VTI1A: variants seen among roughly 807,000 people sequenced by gnomAD.
VTI1A encodes vesicle transport through interaction with t-SNAREs homolog 1A.
Under a neutral mutation model 34.9 loss-of-function variants are expected in VTI1A, and 22 were observed. The observed-to-expected ratio is 0.63, with a 90% CI of 0.45 to 0.90. The LOEUF (loss-of-function observed/expected upper bound fraction) is 0.90, where lower values mean the gene tolerates loss of function less well. Ranked by LOEUF, VTI1A falls within the 40% of genes least tolerant of loss-of-function variation. The pLI is 0.00. For synonymous variants in VTI1A, 87 were observed against 97.3 expected, an observed-to-expected ratio of 0.89 and a Z score of 0.62; for missense variants, 268 against 275.6, an observed-to-expected ratio of 0.97 and a Z score of 0.20.
chr10:112,477,136 C>T (rs1175278596), intron 3 of VTI1A, among the ~76,000 whole-genome samples: 1 of 152,170 alleles, frequency 6.6e-6, no homozygotes, highest in Non-Finnish European at 1.5e-5. Context: ...ACCATGTGTA[C>T]AAATAGTCTC....
chr10:112,651,835 C>A (rs1847034663), intron 5 of VTI1A, among the ~76,000 whole-genome samples: 1 of 152,184 alleles, frequency 6.6e-6, no homozygotes. Context: ...ATGGGAAAGT[C>A]CACTTCATCC....
chr10:112,642,292 CAATGG>C (rs2133780222), intron 5 of VTI1A, among the ~76,000 whole-genome samples: 1 of 152,136 alleles, frequency 6.6e-6, no homozygotes, highest in East Asian at 1.9e-4. Context: ...TGACTGGTTG[CAATGG>C]AATGCACTTT....
At chr10:112,836,606 C>G in the VTI1A span, among the ~76,000 whole-genome samples, 1 of 152,218 alleles carries the variant, frequency 6.6e-6, no homozygotes, top group Non-Finnish European at 1.5e-5. Context: ...ACAAACTAAC[C>G]TGACTCCAAG....
chr10:112,802,957 G>C (rs762352419), intron 7 of VTI1A, among the ~76,000 whole-genome samples: 1 of 152,134 alleles, frequency 6.6e-6, no homozygotes, highest in Non-Finnish European at 1.5e-5. Context: ...AGTAATCTTG[G>C]TTTTAAGAAA....
downstream of VTI1A, among the ~76,000 whole-genome samples, chr10:112,821,237 G>A (rs1027336749): frequency 2.6e-5 from 4 of 152,162 alleles, no homozygotes; most frequent in Non-Finnish European, 5.9e-5. Flanking sequence ...CTCCGAAGCC[G>A]TATTGATCGG....
chr10:112,582,507 C>G (rs866598676), intron 5 of VTI1A, among the ~76,000 whole-genome samples: 1 of 152,246 alleles, frequency 6.6e-6, no homozygotes, highest in African/African-American at 2.4e-5. Context: ...CTTGTGAGCC[C>G]TTCTCCAGAT....
rs189727112 is a variant in VTI1A, at chr10:112,449,580, C to T, written c.94+2113C>T. 7.8e-4 allele frequency: 118 copies of T among 152,218 alleles called. 1 individual carries two copies. Among genetic ancestry groups the T allele is most frequent in the African/African-American group, 2.8e-3 (115 of 41,536 alleles). The allele number at this position is 152,218 out of a possible 1,614,324, so 9.4% of individuals were successfully genotyped here. ...ACCAGCCTGGCCAACATGGAGAAAC[C>T]CTGTCTCTACTAAAAATACAAAACT... is the stretch of plus-strand genomic sequence containing the variant. On this transcript the variant is annotated intron_variant, in intron 1 of 7. Coordinates refer to ENST00000393077, the MANE Select transcript of VTI1A (RefSeq NM_145206.4).
chr10:112,526,549 C>G (rs941322479), intron 3 of VTI1A, among the ~76,000 whole-genome samples: 1 of 152,048 alleles, frequency 6.6e-6, no homozygotes, highest in Non-Finnish European at 1.5e-5. Flanking sequence ...TAAATTCTCT[C>G]TCTTTCTGGT....
At chr10:112,563,581 A>G (rs1393165745) in intron 5 of VTI1A, among the ~76,000 whole-genome samples, 2 of 152,194 alleles carry the variant, frequency 1.3e-5, no homozygotes, top group Non-Finnish European at 2.9e-5. Context: ...TTGCGAGCCT[A>G]AACAAAGAGA....
intron 3 of VTI1A, among the ~76,000 whole-genome samples, chr10:112,506,303 G>T (rs1849424885): frequency 6.6e-6 from 1 of 152,108 alleles, no homozygotes; most frequent in Admixed American, 6.6e-5. Context: ...TCGTATATGT[G>T]GTTCATCATT....
chr10:112,699,586 A>C (rs900878728), intron 7 of VTI1A, among the ~76,000 whole-genome samples: 58 of 152,342 alleles, frequency 3.8e-4, no homozygotes, highest in African/African-American at 1.3e-3. Flanking sequence ...TAATCCCAGC[A>C]CTTTGGGAGG....
rs190312189 is a variant in VTI1A at position 112,751,978 on chromosome 10, G to A, written c.561-63312G>A. On this transcript the variant is annotated intron_variant, in intron 7 of 7. Coordinates refer to ENST00000393077, the MANE Select transcript of VTI1A (RefSeq NM_145206.4). ...GCTACAACTTACCTAGTCTTATCCA[G>A]TATAGGTATCAGGGAAGTGATTACA... Among the ~76,000 whole-genome samples the A allele has an allele frequency of 4.2e-3, 639 of 152,294 alleles. 4 individuals carry two copies. Among genetic ancestry groups the A allele is most frequent in the African/African-American group, 0.014 (563 of 41,558 alleles).
chr10:112,641,092 A>T (rs1846552224), intron 5 of VTI1A, among the ~76,000 whole-genome samples: 2 of 150,264 alleles, frequency 1.3e-5, no homozygotes, highest in South Asian at 4.3e-4. Context: ...CAAGGTGATC[A>T]TTCTGAGAGG....
intron 5 of VTI1A, among the ~76,000 whole-genome samples, chr10:112,658,190 TG>T (rs1406334459): frequency 6.6e-6 from 1 of 152,106 alleles, no homozygotes; most frequent in Non-Finnish European, 1.5e-5. Context: ...TAACCTCAAG[TG>T]ATCTTCCCGC....
At chr10:112,559,023 T>C (rs991440918) in intron 5 of VTI1A, among the ~76,000 whole-genome samples, 1 of 152,236 alleles carries the variant, frequency 6.6e-6, no homozygotes, top group African/African-American at 2.4e-5. Context: ...CTTTGAATCT[T>C]GCTGTGCCAA....
At chr10:112,742,087 C>G (rs1259725487) in intron 7 of VTI1A, among the ~76,000 whole-genome samples, 1 of 152,182 alleles carries the variant, frequency 6.6e-6, no homozygotes, top group African/African-American at 2.4e-5. Context: ...TCCCACTTTA[C>G]TTTCTGTAGT....
chr10:112,834,150 C>T, the VTI1A span, among the ~76,000 whole-genome samples: 4 of 152,162 alleles, frequency 2.6e-5, no homozygotes, highest in African/African-American at 9.7e-5. Flanking sequence ...CAGCTCAGAA[C>T]CTGGACAGCA....
At chr10:112,765,236 T>C (rs1851606998) in intron 7 of VTI1A, among the ~76,000 whole-genome samples, 1 of 152,172 alleles carries the variant, frequency 6.6e-6, no homozygotes, top group Non-Finnish European at 1.5e-5. Context: ...TGAGACGGAG[T>C]CTCGCTCTGT....
intron 1 of VTI1A, chr10:112,448,586 G>C (rs898579641): frequency 6.6e-6 from 1 of 150,820 alleles, no homozygotes; most frequent in Non-Finnish European, 1.5e-5. Flanking sequence ...TACAGAAAAG[G>C]GTTTTACATT....
Sources: gnomAD v4.1 joint callset for allele counts (sites outside exome capture counted in the v4.1 genomes callset) on GRCh38, gnomAD v4.1.1 for gene constraint, MANE v1.5 for transcripts, NCBI Gene and HGNC (gene_info 2026-07-23, HGNC 2026-07-21) for gene names.